Variants in C4BPA observed in about 807,000 individuals in gnomAD.
C4BPA encodes the protein C4b-binding protein alpha chain.
A neutral mutation model predicts 63.7 loss-of-function variants in C4BPA; 31 were observed. The ratio of observed to expected loss-of-function variants is 0.49; its 90% confidence interval spans 0.37 to 0.66. The LOEUF is 0.66. Ranked by LOEUF, C4BPA falls within the 30% of genes least tolerant of loss-of-function variation. The pLI, the probability that C4BPA is intolerant of heterozygous loss-of-function variation, is 0.00. For missense variants in C4BPA, 572 were observed against 723.3 expected (o/e 0.79, Z 2.40); for synonymous variants, 259 against 254.7 (o/e 1.02, Z -0.16).
At chr1:207,136,325 C>T (rs1685278727) in intron 9 of C4BPA, among the ~76,000 whole-genome samples, 1 of 152,172 alleles carries the variant, frequency 6.6e-6, no homozygotes, top group South Asian at 2.1e-4. Flanking sequence ...CTGGCTGAGA[C>T]TTTTTTACTT....
intron 1 of C4BPA, among the ~76,000 whole-genome samples, chr1:207,112,517 A>G (rs17020904): frequency 0.026 from 4,007 of 152,184 alleles, 159 homozygotes; most frequent in African/African-American, 0.091. Flanking sequence ...TTAAAGCATA[A>G]TAATTATGTC....
chr1:207,115,894 T>A (rs1290222174), intron 4 of C4BPA, among the ~76,000 whole-genome samples: 1 of 152,208 alleles, frequency 6.6e-6, no homozygotes, highest in African/African-American at 2.4e-5. Flanking sequence ...CTGCATAGAA[T>A]GTTGTTGTGT....
Position 207,134,501 on chromosome 1 carries a change from G to A in C4BPA, c.1182G>A (p.Glu394=). 6.2e-7 allele frequency: 1 copy of A among 1,613,546 alleles called. No homozygotes were observed. The highest frequency in any genetic ancestry group is 8.5e-7 in the Non-Finnish European group (1 of 1,179,486). ...ACTGTGTTTATTTCTATGGAGATGA[G>A]ATTTCATTTTCATGTCATGAGACCA... ...ANHCVYFYGD[E]ISFSCHETSR... Residue 394 remains glutamate, a synonymous_variant, in exon 9 of 12, where the codon GAG becomes GAA. Coordinates refer to ENST00000367070, the MANE Select transcript of C4BPA (RefSeq NM_000715.4).
At chr1:207,140,320 G>A (rs1338830001) in intron 9 of C4BPA, among the ~76,000 whole-genome samples, 2 of 152,132 alleles carry the variant, frequency 1.3e-5, no homozygotes, top group East Asian at 3.9e-4. Context: ...ACTCCAGCAT[G>A]CTCACTTCCC....
intron 4 of C4BPA, among the ~76,000 whole-genome samples, chr1:207,122,368 A>G (rs1415124590): frequency 6.6e-6 from 1 of 152,156 alleles, no homozygotes; most frequent in East Asian, 1.9e-4. Context: ...ATCTTTTGCT[A>G]GTGAATACTA....
chr1:207,109,148 C>T (rs914742688), intron 1 of C4BPA, among the ~76,000 whole-genome samples: 12 of 152,324 alleles, frequency 7.9e-5, no homozygotes, highest in African/African-American at 2.9e-4. Flanking sequence ...CTCTGCTGTG[C>T]ATGACACATT....
In C4BPA at chr1:207,115,490, C is replaced by T. The variant is rs773031540; in HGVS notation, c.403C>T (p.Gln135Ter). The T allele has an allele frequency of 6.3e-7, 1 of 1,591,090 alleles. No homozygotes were observed. ...EIKTDLSFGSQIEFSCSEGFF... is the reference protein window; with the variant it reads ...EIKTDLSFGS ...TAAGACAGATTTATCTTTTGGATCA[C>T]AAATAGAATTCAGCTGTTCAGAAGG... Residue 135 changes from glutamine to a stop codon, truncating the protein, a stop_gained, in exon 4 of 12, where the codon CAA becomes TAA. Transcript: ENST00000367070. LOFTEE classifies it high-confidence loss of function.
chr1:207,140,767 A>G (rs1350565629), intron 9 of C4BPA, among the ~76,000 whole-genome samples: 2 of 152,208 alleles, frequency 1.3e-5, no homozygotes, highest in Non-Finnish European at 2.9e-5. Context: ...AAATCTCTGC[A>G]TTTAGCCTGA....
chr1:207,139,377 A>G (rs1465593870), intron 9 of C4BPA, among the ~76,000 whole-genome samples: 1 of 152,180 alleles, frequency 6.6e-6, no homozygotes, highest in Admixed American at 6.5e-5. Context: ...GTCTTTAGCT[A>G]TTTGAACGGC....
At chr1:207,128,889 G>C (rs1685103763) in intron 7 of C4BPA, among the ~76,000 whole-genome samples, 1 of 152,056 alleles carries the variant, frequency 6.6e-6, no homozygotes, top group Non-Finnish European at 1.5e-5. Context: ...GATGTGCAAA[G>C]AAACAGGAAA....
At chr1:207,141,019 C>A in intron 9 of C4BPA, 87 bp from the exon 10 acceptor site, 1 of 1,021,992 alleles carries the variant, frequency 9.8e-7, no homozygotes, top group Non-Finnish European at 1.4e-6. Flanking sequence ...AGAATGAAGC[C>A]TCCTACAAAC....
At chr1:207,138,268 C>CT (rs970305872) in intron 9 of C4BPA, among the ~76,000 whole-genome samples, 4 of 152,208 alleles carry the variant, frequency 2.6e-5, no homozygotes, top group Non-Finnish European at 5.9e-5. Flanking sequence ...GTTTGTGCAG[C>CT]TTGCCTGTGC....
intron 4 of C4BPA, among the ~76,000 whole-genome samples, chr1:207,118,213 G>GTCTATGTATCTA (rs1684848312): frequency 2.9e-5 from 4 of 137,384 alleles, no homozygotes; most frequent in Non-Finnish European, 6.3e-5. Flanking sequence ...TCTATCATCT[G>GTCTATGTATCTA]TCTATCTATC....
At chr1:207,129,871 T>C (rs1685124672) in intron 7 of C4BPA, among the ~76,000 whole-genome samples, 1 of 152,158 alleles carries the variant, frequency 6.6e-6, no homozygotes, top group Admixed American at 6.5e-5. Flanking sequence ...ATCTTCTTAT[T>C]CTTCATTTCT....
chr1:207,115,544 CTTTTATAT>C (rs769816268), intron 4 of C4BPA, 29 bp downstream of exon 4: 1 of 1,185,966 alleles, frequency 8.4e-7, no homozygotes, highest in Non-Finnish European at 1.2e-6. Flanking sequence ...ATGAACAATT[CTTTTATAT>C]TTATTTAAAA....
chr1:207,131,512 C>T (rs747585918), intron 7 of C4BPA, 34 bp from the exon 8 acceptor site: 2 of 1,488,322 alleles, frequency 1.3e-6, no homozygotes, highest in East Asian at 4.5e-5. Context: ...GTAATAGCGT[C>T]CTTTTGTTCT....
intron 4 of C4BPA, among the ~76,000 whole-genome samples, chr1:207,118,760 T>G (rs9943268): frequency 0.58 from 88,704 of 152,052 alleles, 27,216 homozygotes; most frequent in East Asian, 0.73. Flanking sequence ...TGTAATCACA[T>G]CATTTCAATG....
At chr1:207,107,342 G>A (rs1684582123) in intron 1 of C4BPA, among the ~76,000 whole-genome samples, 1 of 152,216 alleles carries the variant, frequency 6.6e-6, no homozygotes, top group Admixed American at 6.5e-5. Flanking sequence ...GAGGCCAGGA[G>A]TTCAAGACCA....
At chr1:207,126,960 G>A (rs1004556133) in intron 7 of C4BPA, 65 bp downstream of exon 7, 65 of 1,189,216 alleles carry the variant, frequency 5.5e-5, no homozygotes, top group Middle Eastern at 2.0e-4. Context: ...CTGTTAATAC[G>A]GGTATACTTG....
Sources: allele counts gnomAD v4.1 joint callset (sites outside exome capture counted in the v4.1 genomes callset), GRCh38; gene constraint gnomAD v4.1.1; transcripts MANE v1.5; gene names NCBI Gene and HGNC (gene_info 2026-07-23, HGNC 2026-07-21).